TRIM72: variants seen among roughly 807,000 people sequenced by gnomAD.
TRIM72 encodes tripartite motif-containing protein 72.
TRIM72 carries 33 observed loss-of-function variants against 31.6 expected under a neutral mutation model. The ratio of observed to expected loss-of-function variants is 1.04; its 90% CI spans 0.79 to 1.40. TRIM72 has a LOEUF of 1.40. Among genes scored for constraint, TRIM72 ranks in the 40% most tolerant of loss-of-function variants. TRIM72 has a pLI of 0.00. For missense variants in TRIM72, 666 were observed against 682.7 expected (o/e 0.98, Z 0.27); for synonymous variants, 301 against 314.4 (o/e 0.96, Z 0.45).
At position 31,228,134 on chromosome 16, in the gene TRIM72, G is replaced by A. The variant is rs1411779691; in HGVS notation, c.*3379G>A. ...CTAGCTGATTTTTGTATTTCTAGTGGGGACAGGGGCTTCACTATGTTGGCC... is the reference window on the plus strand; with the variant it reads ...CTAGCTGATTTTTGTATTTCTAGTGAGGACAGGGGCTTCACTATGTTGGCC... On this transcript the variant is annotated 3_prime_UTR_variant, in exon 7 of 7. Transcript: ENST00000322122. 1 of 151,708 alleles carries A rather than the reference G, an allele frequency of 6.6e-6. No homozygotes were observed. The highest frequency in any genetic ancestry group is 1.5e-5 in the Non-Finnish European group (1 of 67,984). 9.4% of individuals were successfully genotyped at this position (151,708 alleles called of 1,614,324 possible).
rs1163066898 is a variant in TRIM72 at position 31,227,308 on chromosome 16, C to T, written c.*2553C>T. The T allele has an allele frequency of 6.6e-6, 1 of 152,222 alleles. No homozygotes were observed. Among genetic ancestry groups the T allele is most frequent in the East Asian group, 1.9e-4 (1 of 5,194 alleles). 9.4% of individuals were successfully genotyped at this position (152,222 alleles called of 1,614,324 possible). The stretch of plus-strand genomic sequence containing the variant: ...CAGTTGCTCAAAACTTTCAACAACT[C>T]CCTCTTGCCTACAGGATAAAGCCCC... On this transcript the variant is annotated 3_prime_UTR_variant, in exon 7 of 7. Coordinates refer to ENST00000322122, the MANE Select transcript of TRIM72 (RefSeq NM_001008274.4).
intron 6 of TRIM72, 123 bp from the exon 7 acceptor site, chr16:31,224,058 C>A: frequency 8.5e-7 from 1 of 1,170,552 alleles, no homozygotes; most frequent in Non-Finnish European, 1.2e-6. Context: ...GATCTTGTGG[C>A]CCAAGCCCAG....
chr16:31,217,554 A>G (rs946250517), intron 2 of TRIM72, among the ~76,000 whole-genome samples: 1 of 146,718 alleles, frequency 6.8e-6, no homozygotes, highest in Non-Finnish European at 1.5e-5. Context: ...ATATTTGCAT[A>G]TTTGCATTTG....
At chr16:31,221,915 G>A (rs2079536107) in intron 5 of TRIM72, among the ~76,000 whole-genome samples, 1 of 151,046 alleles carries the variant, frequency 6.6e-6, no homozygotes, top group Admixed American at 6.6e-5. Context: ...GCTGGCAGAA[G>A]GGTGTTGCTG....
At position 31,215,203 on chromosome 16, in the gene TRIM72, A is replaced by T; in HGVS notation, c.390+75A>T. The T allele has an allele frequency of 1.6e-6, 2 of 1,223,362 alleles. No individual in the cohort carries two copies. Among genetic ancestry groups the T allele is most frequent in the Non-Finnish European group, 1.0e-6 (1 of 956,772 alleles). 75.8% of individuals were successfully genotyped at this position (1,223,362 alleles called of 1,614,324 possible). A position where few individuals can be genotyped will look rare whatever the true frequency, so the allele number is the denominator to read the frequency against. Reference sequence around the variant, plus strand: ...GGCCGATGGGGAGGTCGCTGCAGTGATTTGGATTCTGAGTCTCTAGAGAGG... The same window carrying T: ...GGCCGATGGGGAGGTCGCTGCAGTGTTTTGGATTCTGAGTCTCTAGAGAGG... On this transcript the variant is annotated intron_variant, in intron 2 of 6. Transcript: ENST00000322122. The surrounding 1 kb of genome is among the most constrained non-coding windows in gnomAD (Gnocchi z 6.3).
At position 31,216,772 on chromosome 16, in the gene TRIM72, T is replaced by G. The variant is rs746735109; in HGVS notation, c.390+1644T>G. On this transcript the variant is annotated intron_variant, in intron 2 of 6. Transcript: ENST00000322122. The surrounding 1 kb of genome is among the most constrained non-coding windows in gnomAD (Gnocchi z 6.7). ...TCAGAGTGGCCCTCACGCAGCCCGC[T>G]GCAGCCGTGCGGCCTCCTCCAACAT... is the stretch of plus-strand genomic sequence containing the variant. 81 of 1,602,680 alleles carry G rather than the reference T, an allele frequency of 5.1e-5. 3 individuals are homozygous for G. The South Asian group carries it at 8.8e-4, about 17-fold the overall frequency.
intron 5 of TRIM72, among the ~76,000 whole-genome samples, chr16:31,221,550 G>A (rs2079533796): frequency 7.0e-6 from 1 of 143,844 alleles, no homozygotes; most frequent in Non-Finnish European, 1.5e-5. Flanking sequence ...GGGGAGAAGG[G>A]CATTGTGGGG....
intron 5 of TRIM72, among the ~76,000 whole-genome samples, 153 bp downstream of exon 5, chr16:31,221,071 G>T (rs1263125202): frequency 6.6e-6 from 1 of 152,196 alleles, no homozygotes; most frequent in African/African-American, 2.4e-5. Context: ...AGACAGAAAT[G>T]ATCTGGAAGG....
chr16:31,219,302 A>T lies in TRIM72; in HGVS notation c.500A>T (p.Gln167Leu), dbSNP rs753537137. 1.2e-5 allele frequency: 19 copies of T among 1,614,172 alleles called. No homozygotes were observed. Among genetic ancestry groups the T allele is most frequent in the Middle Eastern group, 3.3e-4 (2 of 6,062 alleles). Residue 167 changes from glutamine (Q) to leucine (L), a missense_variant, in exon 4 of 7, where the codon CAG becomes CTG. Coordinates refer to ENST00000322122, the MANE Select transcript of TRIM72 (RefSeq NM_001008274.4). This position sits in a 1 kb window ranked among gnomAD's most constrained non-coding sequence, Gnocchi z 4.2. ...QLVEVEETVR[Q>L]FRGAVGEQLG... ...CCATCCCTGCAGGAGACAGTGCGTCAGTTCCGGGGGGCCGTGGGGGAGCAG... is the reference window on the plus strand; with the variant it reads ...CCATCCCTGCAGGAGACAGTGCGTCTGTTCCGGGGGGCCGTGGGGGAGCAG...
rs746787173 is a variant in TRIM72, at chr16:31,216,898, A to G, written c.390+1770A>G. ...GAGGTCCACGATATCTAGCTGCCCG[A>G]GCGCGCCCCGCGGGATGCGCTCAAA... On this transcript the variant is annotated intron_variant, in intron 2 of 6. Coordinates refer to ENST00000322122, the MANE Select transcript of TRIM72 (RefSeq NM_001008274.4). This position sits in a 1 kb window ranked among gnomAD's most constrained non-coding sequence, Gnocchi z 6.7. The G allele has an allele frequency of 6.2e-7, 1 of 1,613,828 alleles. No homozygotes were observed. Among genetic ancestry groups the G allele is most frequent in the South Asian group, 1.1e-5 (1 of 91,084 alleles).
chr16:31,223,757 A>C (rs537763280), intron 6 of TRIM72, among the ~76,000 whole-genome samples: 1 of 152,240 alleles, frequency 6.6e-6, no homozygotes, highest in South Asian at 2.1e-4. Flanking sequence ...ACTTAAAAAA[A>C]TTAGCCAGGT....
intron 5 of TRIM72, 133 bp from the exon 6 acceptor site, chr16:31,222,694 T>C: frequency 1.8e-6 from 1 of 564,480 alleles, no homozygotes. Context: ...TCTCCAGAAT[T>C]TTCTCATCTT....
In TRIM72 at chr16:31,228,430, G is replaced by T. The variant is rs1468268900; in HGVS notation, c.*3675G>T. The T allele has an allele frequency of 6.6e-6, 1 of 152,184 alleles. No individual in the cohort carries two copies. The highest frequency in any genetic ancestry group is 1.9e-4 in the East Asian group (1 of 5,206). The allele number at this position is 152,184 out of a possible 1,614,324, so 9.4% of individuals were successfully genotyped here. ...CTAAGGACTGGCCACAGTGAGGGAG[G>T]GACCTGTGGTCTCCTGTGTTGCTCC... On this transcript the variant is annotated 3_prime_UTR_variant, in exon 7 of 7. Coordinates refer to ENST00000322122, the MANE Select transcript of TRIM72 (RefSeq NM_001008274.4).
chr16:31,222,650 T>G (rs996886236), intron 5 of TRIM72, among the ~76,000 whole-genome samples, 177 bp from the exon 6 acceptor site: 2 of 152,024 alleles, frequency 1.3e-5, no homozygotes, highest in Non-Finnish European at 2.9e-5. Context: ...TGGTGCTAAG[T>G]ACATTCACAT....
Position 31,225,015 on chromosome 16 carries a change from A to G in TRIM72, c.*260A>G. 6.3e-6 allele frequency: 2 copies of G among 318,882 alleles called. No individual in the cohort carries two copies. The highest frequency in any genetic ancestry group is 1.1e-5 in the Non-Finnish European group (2 of 174,752). 19.8% of individuals were successfully genotyped at this position (318,882 alleles called of 1,614,324 possible). A position where few individuals can be genotyped will look rare whatever the true frequency, so the allele number is the denominator to read the frequency against. On this transcript the variant is annotated 3_prime_UTR_variant, in exon 7 of 7. Coordinates refer to ENST00000322122, the MANE Select transcript of TRIM72 (RefSeq NM_001008274.4). Reference sequence around the variant, plus strand: ...AGACCAGCCTGGCCAACATGGTGAAACTCCTCTCTACTGAAAATACAAAAA... The same window carrying G: ...AGACCAGCCTGGCCAACATGGTGAAGCTCCTCTCTACTGAAAATACAAAAA...
Position 31,219,848 on chromosome 16 carries a change from C to T in TRIM72, c.717+329C>T, listed in dbSNP as rs1405324378. Among the ~76,000 whole-genome samples the T allele has an allele frequency of 2.1e-5, 3 of 146,088 alleles. No homozygotes were observed. Among genetic ancestry groups the T allele is most frequent in the African/African-American group, 7.6e-5 (3 of 39,286 alleles). ...CAGGATCTTGGCTCACTGCAAGCTCCGCCTCCTGGGTTCATGCTATTCTCC... is the reference window on the plus strand; with the variant it reads ...CAGGATCTTGGCTCACTGCAAGCTCTGCCTCCTGGGTTCATGCTATTCTCC... On this transcript the variant is annotated intron_variant, in intron 4 of 6. Coordinates refer to ENST00000322122, the MANE Select transcript of TRIM72 (RefSeq NM_001008274.4). This position sits in a 1 kb window ranked among gnomAD's most constrained non-coding sequence, Gnocchi z 4.2.
Position 31,219,278 on chromosome 16 carries a change from C to T in TRIM72, c.487-11C>T. 2 of 1,614,186 alleles carry T rather than the reference C, an allele frequency of 1.2e-6. No homozygotes were observed. Among genetic ancestry groups the T allele is most frequent in the Non-Finnish European group, 1.7e-6 (2 of 1,180,036 alleles). On this transcript the variant is annotated splice_polypyrimidine_tract_variant and intron_variant, in intron 3 of 6. Coordinates refer to ENST00000322122, the MANE Select transcript of TRIM72 (RefSeq NM_001008274.4). The surrounding 1 kb of genome is among the most constrained non-coding windows in gnomAD (Gnocchi z 4.2). Reference sequence around the variant, plus strand: ...GTCTTTATCCCTTCAATCACTGCCCCATCCCTGCAGGAGACAGTGCGTCAG... The same window carrying T: ...GTCTTTATCCCTTCAATCACTGCCCTATCCCTGCAGGAGACAGTGCGTCAG...
rs772809141 is a variant in TRIM72 at position 31,224,777 on chromosome 16, G to C, written c.*22G>C. On this transcript the variant is annotated 3_prime_UTR_variant, in exon 7 of 7. Coordinates refer to ENST00000322122, the MANE Select transcript of TRIM72 (RefSeq NM_001008274.4). Reference sequence around the variant, plus strand: ...CTGAGCCGCCGGACGGGTAGTGGAGGGGCGCGGGGGCCTGGGTTGAAGCTT... The same window carrying C: ...CTGAGCCGCCGGACGGGTAGTGGAGCGGCGCGGGGGCCTGGGTTGAAGCTT... The C allele has an allele frequency of 9.7e-5, 139 of 1,438,718 alleles. No homozygotes were observed. The highest frequency in any genetic ancestry group is 1.2e-4 in the Non-Finnish European group (134 of 1,100,450). 89.1% of individuals were successfully genotyped at this position (1,438,718 alleles called of 1,614,324 possible).
chr16:31,224,262 C>G lies in TRIM72; in HGVS notation c.941C>G (p.Ser314Trp), dbSNP rs1166136120. The G allele has an allele frequency of 3.1e-6, 5 of 1,604,910 alleles. No individual in the cohort carries two copies. In the South Asian group the frequency reaches 3.3e-5, roughly 11 times the overall value. ...VSSSGRRVECSEQKAPPAGED... is the reference protein window; with the variant it reads ...VSSSGRRVECWEQKAPPAGED... The stretch of plus-strand genomic sequence containing the variant: ...TCCTCTGGCCGCCGCGTGGAGTGCT[C>G]GGAGCAGAAGGCGCCGCCGGCCGGG... The change falls in exon 7 of 7, where the codon TCG becomes TGG. Residue 314 changes from serine (S) to tryptophan (W), a missense_variant. Coordinates refer to ENST00000322122, the MANE Select transcript of TRIM72 (RefSeq NM_001008274.4).
Sources: gnomAD v4.1 joint callset for allele counts (sites outside exome capture counted in the v4.1 genomes callset) on GRCh38, gnomAD v4.1.1 for gene constraint, Gnocchi (gnomAD v3.1) non-coding constraint, MANE v1.5 for transcripts, NCBI Gene and HGNC (gene_info 2026-07-23, HGNC 2026-07-21) for gene names.